The following DYNLL2 variants were observed in gnomAD, a reference collection of about 807,000 sequenced individuals.
DYNLL2 encodes the protein dynein light chain LC8-type 2.
A neutral mutation model predicts 9.7 loss-of-function variants in DYNLL2; 1 was observed. That is an observed-to-expected ratio of 0.10 (90% confidence interval 0.04 to 0.49). The LOEUF (loss-of-function observed/expected upper bound fraction) is 0.49. Among genes scored for constraint, DYNLL2 ranks in the 20% least tolerant of loss-of-function variants. The pLI, the probability that DYNLL2 is intolerant of heterozygous loss-of-function variation, is 0.95. For missense variants in DYNLL2, 37 were observed against 115.2 expected (o/e 0.32, Z 3.11); for synonymous variants, 35 against 40.5 (o/e 0.86, Z 0.52).
chr17:58,089,299 C>T lies in DYNLL2; in HGVS notation c.*20C>T, dbSNP rs374144805. 7.0e-5 allele frequency: 113 copies of T among 1,608,286 alleles called. No individual in the cohort carries two copies. Among genetic ancestry groups the T allele is most frequent in the Non-Finnish European group, 7.8e-5 (92 of 1,176,596 alleles). ...GGCTAGGTGGCCATGGTGAAGGTGT[C>T]AGTGGCGGCGGCAGCGATGGCAAGC... On this transcript the variant is annotated 3_prime_UTR_variant, in exon 3 of 3. Coordinates refer to ENST00000579991, the MANE Select transcript of DYNLL2 (RefSeq NM_080677.3).
chr17:58,090,777 G>A lies in DYNLL2; in HGVS notation c.*1498G>A, dbSNP rs1356084777. 1.3e-5 allele frequency: 2 copies of A among 151,212 alleles called. No homozygotes were observed. Among genetic ancestry groups the A allele is most frequent in the South Asian group, 2.1e-4 (1 of 4,792 alleles). The allele number at this position is 151,212 out of a possible 1,614,324, so 9.4% of individuals were successfully genotyped here. On this transcript the variant is annotated 3_prime_UTR_variant, in exon 3 of 3. Transcript: ENST00000579991. ...GGTTTGGGGTGGGGTGGTCATTGCC[G>A]TTTGAGCTGCTGATTTTCATGAGTC...
chr17:58,089,016 G>C, intron 2 of DYNLL2, 126 bp from the exon 3 acceptor site: 1 of 1,175,886 alleles, frequency 8.5e-7, no homozygotes, highest in Non-Finnish European at 1.2e-6. Context: ...TGAGGCTGAG[G>C]GATGGGGTGG....
At chr17:58,087,458 T>G (rs1159832766) in intron 2 of DYNLL2, among the ~76,000 whole-genome samples, 2 of 152,038 alleles carry the variant, frequency 1.3e-5, no homozygotes, top group Non-Finnish European at 2.9e-5. Context: ...ATGTTTACTT[T>G]TACAGGTAAT....
chr17:58,092,376 G>A lies in DYNLL2; in HGVS notation c.*3097G>A, dbSNP rs1023040466. ...CTGTGAACAACACATTCCTGCACAG[G>A]TAGGTGCACAGTGCTCATCTGGAAG... On this transcript the variant is annotated 3_prime_UTR_variant, in exon 3 of 3. Coordinates refer to ENST00000579991, the MANE Select transcript of DYNLL2 (RefSeq NM_080677.3). 1 of 152,236 alleles carries A rather than the reference G, an allele frequency of 6.6e-6. No individual in the cohort carries two copies. Among genetic ancestry groups the A allele is most frequent in the Non-Finnish European group, 1.5e-5 (1 of 68,060 alleles). The allele number at this position is 152,236 out of a possible 1,614,324, so 9.4% of individuals were successfully genotyped here.
At position 58,092,583 on chromosome 17, in the gene DYNLL2, C is replaced by T. The variant is rs1251620846; in HGVS notation, c.*3304C>T. On this transcript the variant is annotated 3_prime_UTR_variant, in exon 3 of 3. Transcript: ENST00000579991. ...CATAGGAGCATCAATATCCCTGCTC[C>T]TTGTATCCTGTTCTCCAGTCTTCTG... The T allele has an allele frequency of 1.3e-5, 2 of 152,234 alleles. No individual in the cohort carries two copies. The highest frequency in any genetic ancestry group is 2.9e-5 in the Non-Finnish European group (2 of 68,050). The allele number at this position is 152,234 out of a possible 1,614,324, so 9.4% of individuals were successfully genotyped here. A position where few individuals can be genotyped will look rare whatever the true frequency, so the allele number is the denominator to read the frequency against.
In DYNLL2 at chr17:58,083,444, A is replaced by G. The variant is rs1339480679; in HGVS notation, c.-249A>G. The G allele has an allele frequency of 4.1e-5, 4 of 96,482 alleles. No individual in the cohort carries two copies. The highest frequency in any genetic ancestry group is 1.5e-4 in the African/African-American group (4 of 26,738). 6.0% of individuals were successfully genotyped at this position (96,482 alleles called of 1,614,324 possible). ...AGCGGCAGAGCGGAGCGGAGCTGTG[A>G]GGCGCCAGTGCGGAGCGGGCGGGCG... On this transcript the variant is annotated 5_prime_UTR_variant, in exon 1 of 3. Coordinates refer to ENST00000579991, the MANE Select transcript of DYNLL2 (RefSeq NM_080677.3).
chr17:58,091,603 T>G lies in DYNLL2; in HGVS notation c.*2324T>G, dbSNP rs2075780410. The G allele has an allele frequency of 6.6e-6, 1 of 152,194 alleles. No homozygotes were observed. The highest frequency in any genetic ancestry group is 1.5e-5 in the Non-Finnish European group (1 of 68,036). 9.4% of individuals were successfully genotyped at this position (152,194 alleles called of 1,614,324 possible). ...TCTTATCTTTCATACTCCTCCCTTC[T>G]CGGCTTTCCTGAACCTGGAGACTAT... On this transcript the variant is annotated 3_prime_UTR_variant, in exon 3 of 3. Coordinates refer to ENST00000579991, the MANE Select transcript of DYNLL2 (RefSeq NM_080677.3).
rs1326551665 is a variant in DYNLL2, at chr17:58,093,176, C to G, written c.*3897C>G. 1 of 152,206 alleles carries G rather than the reference C, an allele frequency of 6.6e-6. No individual in the cohort carries two copies. Among genetic ancestry groups the G allele is most frequent in the Non-Finnish European group, 1.5e-5 (1 of 68,042 alleles). The allele number at this position is 152,206 out of a possible 1,614,324, so 9.4% of individuals were successfully genotyped here. A position where few individuals can be genotyped will look rare whatever the true frequency, so the allele number is the denominator to read the frequency against. On this transcript the variant is annotated 3_prime_UTR_variant, in exon 3 of 3. Coordinates refer to ENST00000579991, the MANE Select transcript of DYNLL2 (RefSeq NM_080677.3). ...AAAGAAGGGTGCGAGCAAGCCTGGA[C>G]AGGCCTGGTGCCCCAGGGCAGCCTT...
At position 58,091,313 on chromosome 17, in the gene DYNLL2, G is replaced by A. The variant is rs953225698; in HGVS notation, c.*2034G>A. On this transcript the variant is annotated 3_prime_UTR_variant, in exon 3 of 3. Transcript: ENST00000579991. ...TGGGTGAGGGTGGAGAGTCTCCAGG[G>A]TGGAATAGAATGGGGACTGAAGGGA... 6.6e-6 allele frequency: 1 copy of A among 152,344 alleles called. No homozygotes were observed. Among genetic ancestry groups the A allele is most frequent in the African/African-American group, 2.4e-5 (1 of 41,320 alleles). 9.4% of individuals were successfully genotyped at this position (152,344 alleles called of 1,614,324 possible).
intron 1 of DYNLL2, among the ~76,000 whole-genome samples, chr17:58,085,872 C>T (rs1444262059): frequency 6.6e-6 from 1 of 152,196 alleles, no homozygotes; most frequent in African/African-American, 2.4e-5. Flanking sequence ...TGTCTCCTAA[C>T]ATAATACCTT....
At chr17:58,084,347 G>C (rs2075750115) in intron 1 of DYNLL2, among the ~76,000 whole-genome samples, 1 of 152,196 alleles carries the variant, frequency 6.6e-6, no homozygotes, top group Admixed American at 6.5e-5. Flanking sequence ...GGGGATGGTG[G>C]TCCGTGTCAT....
intron 2 of DYNLL2, 29 bp downstream of exon 2, chr17:58,087,251 C>T (rs756429100): frequency 3.1e-6 from 5 of 1,610,936 alleles, no homozygotes; most frequent in African/African-American, 1.3e-5. Context: ...GACTGATGGC[C>T]AGGGGTGGGG....
intron 2 of DYNLL2, among the ~76,000 whole-genome samples, 158 bp downstream of exon 2, chr17:58,087,380 G>C (rs2075763985): frequency 6.6e-6 from 1 of 152,008 alleles, no homozygotes; most frequent in African/African-American, 2.4e-5. Flanking sequence ...GAGTGATTCC[G>C]AATTGCCCAA....
At position 58,089,754 on chromosome 17, in the gene DYNLL2, A is replaced by AAAAGGGGTAGG. The variant is rs1226727524; in HGVS notation, c.*478_*488dup. ...GGGACAGTGTTGGGATTGTCAAGGA[A>AAAAGGGGTAGG]AAAGGGGTAGGAAGGAAGGTGGAGG... On this transcript the variant is annotated 3_prime_UTR_variant, in exon 3 of 3. Coordinates refer to ENST00000579991, the MANE Select transcript of DYNLL2 (RefSeq NM_080677.3). The AAAAGGGGTAGG allele has an allele frequency of 7.5e-6, 3 of 401,242 alleles. No homozygotes were observed. Among genetic ancestry groups the AAAAGGGGTAGG allele is most frequent in the Non-Finnish European group, 1.3e-5 (3 of 228,334 alleles). 24.9% of individuals were successfully genotyped at this position (401,242 alleles called of 1,614,324 possible). A position where few individuals can be genotyped will look rare whatever the true frequency, so the allele number is the denominator to read the frequency against.
chr17:58,087,284 A>G, intron 2 of DYNLL2, 62 bp downstream of exon 2: 3 of 1,599,200 alleles, frequency 1.9e-6, no homozygotes, highest in Non-Finnish European at 8.5e-7. Flanking sequence ...GCTAACCTCC[A>G]GGGAGATCTG....
chr17:58,084,509 C>T (rs2075751040), intron 1 of DYNLL2, among the ~76,000 whole-genome samples: 1 of 152,164 alleles, frequency 6.6e-6, no homozygotes, highest in Non-Finnish European at 1.5e-5. Flanking sequence ...TATCTGGAGG[C>T]CCAGGTCCCT....
intron 1 of DYNLL2, among the ~76,000 whole-genome samples, chr17:58,086,350 A>G (rs957980026): frequency 8.5e-5 from 13 of 152,226 alleles, no homozygotes; most frequent in Non-Finnish European, 1.6e-4. Context: ...TGTTCCTGCA[A>G]CACTTTATTT....
Position 58,089,325 on chromosome 17 carries a change from A to G in DYNLL2, c.*46A>G. ...AGTGGCGGCGGCAGCGATGGCAAGC[A>G]GGCGGCGTTGCTGGGACTGTTTTGC... On this transcript the variant is annotated 3_prime_UTR_variant, in exon 3 of 3. Coordinates refer to ENST00000579991, the MANE Select transcript of DYNLL2 (RefSeq NM_080677.3). 6.2e-7 allele frequency: 1 copy of G among 1,604,550 alleles called. No homozygotes were observed. The highest frequency in any genetic ancestry group is 8.5e-7 in the Non-Finnish European group (1 of 1,174,564).
chr17:58,083,476 C>CGGCGCGA lies in DYNLL2; in HGVS notation c.-213_-212insCGAGGCG, dbSNP rs1555582655. 1 of 148,094 alleles carries CGGCGCGA rather than the reference C, an allele frequency of 6.8e-6. No individual in the cohort carries two copies. Among genetic ancestry groups the CGGCGCGA allele is most frequent in the Non-Finnish European group, 1.5e-5 (1 of 66,554 alleles). The allele number at this position is 148,094 out of a possible 1,614,324, so 9.2% of individuals were successfully genotyped here. A position where few individuals can be genotyped will look rare whatever the true frequency, so the allele number is the denominator to read the frequency against. On this transcript the variant is annotated 5_prime_UTR_variant, in exon 1 of 3. Coordinates refer to ENST00000579991, the MANE Select transcript of DYNLL2 (RefSeq NM_080677.3). ...AGTGCGGAGCGGGCGGGCGGGCGGG[C>CGGCGCGA]GGCGTGAGGCGGAGCGCGGGCGGCC...
Sources: gnomAD v4.1 joint callset for allele counts (sites outside exome capture counted in the v4.1 genomes callset) on GRCh38, gnomAD v4.1.1 for gene constraint, MANE v1.5 for transcripts, NCBI Gene and HGNC (gene_info 2026-07-23, HGNC 2026-07-21) for gene names.